Variants in OR2L13 observed in about 807,000 individuals in gnomAD.
OR2L13 encodes the protein olfactory receptor family 2 subfamily L member 13.
A neutral mutation model predicts 15.3 loss-of-function variants in OR2L13; 14 were observed. The observed-to-expected ratio is 0.91, with a 90% CI of 0.60 to 1.43. OR2L13 has a LOEUF of 1.43. Ranked by LOEUF, OR2L13 falls within the 40% of genes most tolerant of loss-of-function variation. The pLI is 0.00. For missense variants in OR2L13, 367 were observed against 387.9 expected (o/e 0.95, Z 0.45); for synonymous variants, 152 against 142.9 (o/e 1.06, Z -0.45).
At chr1:248,058,544 A>G in the OR2L13 span, among the ~76,000 whole-genome samples, 1 of 152,090 alleles carries the variant, frequency 6.6e-6, no homozygotes, top group Non-Finnish European at 1.5e-5. Context: ...ATATATATAT[A>G]TCTTCTGATA....
the OR2L13 span, among the ~76,000 whole-genome samples, chr1:247,979,125 A>G: frequency 1.3e-5 from 2 of 152,150 alleles, no homozygotes; most frequent in South Asian, 4.1e-4. Flanking sequence ...ACTAAAGAAG[A>G]TATAAAAACA....
At chr1:247,968,930 G>A in the OR2L13 span, among the ~76,000 whole-genome samples, 11,535 of 152,048 alleles carry the variant, frequency 0.076, 952 homozygotes, top group African/African-American at 0.21. Flanking sequence ...ACTGTCTTCC[G>A]CAATGGTTGA....
the OR2L13 span, among the ~76,000 whole-genome samples, chr1:248,036,532 T>TTG: frequency 1.3e-5 from 2 of 151,912 alleles, no homozygotes; most frequent in Non-Finnish European, 2.9e-5. Context: ...GTGTTCATCT[T>TTG]TGTGTGTGTG....
At chr1:247,983,118 GTGTT>G in the OR2L13 span, among the ~76,000 whole-genome samples, 3 of 152,164 alleles carry the variant, frequency 2.0e-5, no homozygotes, top group African/African-American at 7.2e-5. Flanking sequence ...ATGTGTATGT[GTGTT>G]TGTGTGTAAT....
At chr1:248,042,053 C>T in the OR2L13 span, 1 of 152,082 alleles carries the variant, frequency 6.6e-6, no homozygotes. Flanking sequence ...GACACATGCA[C>T]ACCTATGTTT....
chr1:248,079,202 C>T, the OR2L13 span, among the ~76,000 whole-genome samples: 1 of 151,998 alleles, frequency 6.6e-6, no homozygotes, highest in Non-Finnish European at 1.5e-5. Flanking sequence ...TGATAATGTA[C>T]TATGGTTATA....
the OR2L13 span, chr1:248,038,779 G>C: frequency 4.3e-6 from 7 of 1,614,146 alleles, no homozygotes; most frequent in Non-Finnish European, 5.1e-6. Context: ...TGCAAGTCCA[G>C]AGCCATCAAT....
At chr1:248,039,346 G>A in the OR2L13 span, 2 of 613,514 alleles carry the variant, frequency 3.3e-6, no homozygotes, top group Non-Finnish European at 5.2e-6. Flanking sequence ...ATTTAGTCTT[G>A]ACAATATTAT....
the OR2L13 span, among the ~76,000 whole-genome samples, chr1:247,994,083 G>A: frequency 2.0e-5 from 3 of 152,126 alleles, no homozygotes; most frequent in Non-Finnish European, 4.4e-5. Context: ...TTCCCATTTG[G>A]TCTCAGAAGC....
chr1:247,966,317 A>G, the OR2L13 span: 1 of 1,613,032 alleles, frequency 6.2e-7, no homozygotes. Context: ...TGTAGAAAAT[A>G]TGACTTCAGA....
At chr1:248,075,183 C>T in the OR2L13 span, among the ~76,000 whole-genome samples, 4 of 152,292 alleles carry the variant, frequency 2.6e-5, no homozygotes, top group East Asian at 7.7e-4. Flanking sequence ...TCATCCATGT[C>T]CCTGCAAAGG....
At chr1:248,015,348 C>T in the OR2L13 span, among the ~76,000 whole-genome samples, 3 of 152,248 alleles carry the variant, frequency 2.0e-5, no homozygotes, top group African/African-American at 4.8e-5. Flanking sequence ...CTGTGGAGAG[C>T]CGTCCTTGCC....
At chr1:247,981,702 T>C in the OR2L13 span, among the ~76,000 whole-genome samples, 5,880 of 152,236 alleles carry the variant, frequency 0.039, 346 homozygotes, top group African/African-American at 0.13. Flanking sequence ...TAGTGATTAT[T>C]TTGATGTTGA....
At chr1:248,086,549 C>CTTTCA in the OR2L13 span, among the ~76,000 whole-genome samples, 1 of 151,912 alleles carries the variant, frequency 6.6e-6, no homozygotes, top group Non-Finnish European at 1.5e-5. Flanking sequence ...TTCAGGTATA[C>CTTTCA]GGAGGTATTG....
the OR2L13 span, among the ~76,000 whole-genome samples, chr1:248,007,907 G>A: frequency 2.6e-5 from 4 of 152,102 alleles, no homozygotes. Context: ...AACAAGTTGT[G>A]GTTCAGTAGT....
At chr1:248,019,734 T>TTCCTTC in the OR2L13 span, among the ~76,000 whole-genome samples, 254 of 151,058 alleles carry the variant, frequency 1.7e-3, no homozygotes, top group Middle Eastern at 6.8e-3. Context: ...TCCTCCTTCC[T>TTCCTTC]TCCTTCTCCT....
At chr1:248,075,782 A>G in the OR2L13 span, among the ~76,000 whole-genome samples, 1 of 151,884 alleles carries the variant, frequency 6.6e-6, no homozygotes, top group Non-Finnish European at 1.5e-5. Context: ...GATTGCAAAA[A>G]TTTTCTCCCA....
the OR2L13 span, among the ~76,000 whole-genome samples, chr1:248,085,418 T>TAATA: frequency 1.1e-4 from 3 of 27,590 alleles, no homozygotes; most frequent in South Asian, 2.9e-3. Context: ...TAAAATAAAA[T>TAATA]AATAAAATAA....
the OR2L13 span, among the ~76,000 whole-genome samples, chr1:247,960,724 G>A: frequency 0.024 from 3,718 of 152,274 alleles, 59 homozygotes; most frequent in East Asian, 0.036. Context: ...CTCCGTTGGC[G>A]TAGGACCCTC....
Sources: gnomAD v4.1 joint callset for allele counts (sites outside exome capture counted in the v4.1 genomes callset) on GRCh38, gnomAD v4.1.1 for gene constraint, MANE v1.5 for transcripts, NCBI Gene and HGNC (gene_info 2026-07-23, HGNC 2026-07-21) for gene names.